CDK14: variants seen among roughly 807,000 people sequenced by gnomAD.
The protein encoded by CDK14 is cyclin-dependent kinase 14.
CDK14 carries 34 observed loss-of-function variants against 60.7 expected under a neutral mutation model. The ratio of observed to expected loss-of-function variants is 0.56; its 90% CI spans 0.43 to 0.75. The LOEUF (loss-of-function observed/expected upper bound fraction) is 0.75, where lower values mean the gene tolerates loss of function less well. CDK14 is among the 30% of genes least tolerant of loss of function. The pLI is 0.00. For synonymous variants in CDK14, 197 were observed against 203.7 expected (o/e 0.97, Z 0.28); for missense variants, 482 against 564.1 (o/e 0.85, Z 1.47).
chr7:91,120,961 A>T (rs1370183031), intron 14 of CDK14, among the ~76,000 whole-genome samples: 1 of 152,236 alleles, frequency 6.6e-6, no homozygotes, highest in East Asian at 1.9e-4. Context: ...ATGGATTCTA[A>T]GAGTTTTCTG....
intron 7 of CDK14, among the ~76,000 whole-genome samples, chr7:90,914,887 C>T (rs1024523491): frequency 6.6e-6 from 1 of 152,176 alleles, no homozygotes; most frequent in African/African-American, 2.4e-5. Context: ...TCAGTACTCA[C>T]ATTACTGGTG....
At chr7:90,760,181 G>C (rs754921703) in intron 4 of CDK14, among the ~76,000 whole-genome samples, 15 of 152,156 alleles carry the variant, frequency 9.9e-5, no homozygotes, top group Non-Finnish European at 1.9e-4. Flanking sequence ...AGTTCAAAGA[G>C]CTCTTCAAAA....
intron 10 of CDK14, among the ~76,000 whole-genome samples, chr7:91,043,108 G>A (rs1797134754): frequency 6.6e-6 from 1 of 152,180 alleles, no homozygotes; most frequent in Admixed American, 6.5e-5. Flanking sequence ...AAAGTCTAAT[G>A]TATTTGTTTC....
At chr7:91,085,108 G>A (rs569878667) in intron 12 of CDK14, among the ~76,000 whole-genome samples, 1 of 152,352 alleles carries the variant, frequency 6.6e-6, no homozygotes, top group South Asian at 2.1e-4. Flanking sequence ...ATTTATTGGT[G>A]TAGAATAGTA....
chr7:90,876,756 T>C (rs1025477530), intron 6 of CDK14, among the ~76,000 whole-genome samples: 2 of 152,250 alleles, frequency 1.3e-5, no homozygotes, highest in Non-Finnish European at 2.9e-5. Flanking sequence ...CCATTCTTAA[T>C]AAGTTTAAAT....
chr7:91,199,408 C>T (rs1029824464), intron 14 of CDK14, among the ~76,000 whole-genome samples: 2 of 151,762 alleles, frequency 1.3e-5, no homozygotes, highest in African/African-American at 4.8e-5. Context: ...GTTTGTTTTC[C>T]CATTGGCTGA....
At chr7:90,869,832 C>T (rs767214889) in intron 6 of CDK14, among the ~76,000 whole-genome samples, 43 of 152,222 alleles carry the variant, frequency 2.8e-4, no homozygotes, top group Non-Finnish European at 5.4e-4. Flanking sequence ...ACTAAGCACC[C>T]TGCTGCCACC....
chr7:90,717,716 A>T (rs1802298368), intron 2 of CDK14, among the ~76,000 whole-genome samples: 1 of 152,108 alleles, frequency 6.6e-6, no homozygotes, highest in South Asian at 2.1e-4. Flanking sequence ...CTCAGGACTA[A>T]TTTTTTTAGT....
intron 3 of CDK14, among the ~76,000 whole-genome samples, chr7:90,745,530 C>G (rs569149596): frequency 1.4e-4 from 21 of 152,260 alleles, no homozygotes; most frequent in Non-Finnish European, 2.5e-4. Flanking sequence ...GTTCTCCTGC[C>G]TTAGCCTCCC....
At chr7:90,749,635 C>G (rs1229133255) in intron 4 of CDK14, among the ~76,000 whole-genome samples, 2 of 152,212 alleles carry the variant, frequency 1.3e-5, no homozygotes, top group African/African-American at 4.8e-5. Context: ...TAGCAGGTTC[C>G]TCTCTCCTCC....
chr7:91,003,284 T>C (rs1348076712), intron 10 of CDK14, among the ~76,000 whole-genome samples: 1 of 152,054 alleles, frequency 6.6e-6, no homozygotes. Context: ...TGATCCACAG[T>C]TTTCCACCAT....
At chr7:90,825,799 C>T (rs190410816) in intron 5 of CDK14, among the ~76,000 whole-genome samples, 50 of 152,208 alleles carry the variant, frequency 3.3e-4, no homozygotes, top group Middle Eastern at 3.4e-3. Flanking sequence ...ATTTCTGTAT[C>T]GTAGATCTAC....
chr7:90,689,278 A>G (rs1438919778), intron 2 of CDK14, among the ~76,000 whole-genome samples: 2 of 152,112 alleles, frequency 1.3e-5, no homozygotes, highest in Non-Finnish European at 2.9e-5. Context: ...TTAATGATTA[A>G]TTTAGCTTAT....
At chr7:90,752,612 A>G (rs1377125435) in intron 4 of CDK14, among the ~76,000 whole-genome samples, 1 of 152,186 alleles carries the variant, frequency 6.6e-6, no homozygotes, top group Non-Finnish European at 1.5e-5. Flanking sequence ...TAGAAAAACA[A>G]GAACAACCTA....
intron 4 of CDK14, among the ~76,000 whole-genome samples, chr7:90,766,799 G>C (rs1016360247): frequency 6.6e-6 from 1 of 152,100 alleles, no homozygotes; most frequent in African/African-American, 2.4e-5. Context: ...TTATTCAGCA[G>C]CTCTCTCATC....
intron 9 of CDK14, among the ~76,000 whole-genome samples, chr7:90,965,169 C>T (rs1212612665): frequency 1.3e-5 from 2 of 152,078 alleles, no homozygotes; most frequent in Non-Finnish European, 2.9e-5. Flanking sequence ...ATCCCCATCC[C>T]CACTTTGTCT....
At chr7:90,638,168 C>T (rs977435455) in intron 2 of CDK14, among the ~76,000 whole-genome samples, 5 of 151,954 alleles carry the variant, frequency 3.3e-5, no homozygotes, top group Admixed American at 6.6e-5. Context: ...TTTGATCCTG[C>T]CATTATGATG....
intron 10 of CDK14, among the ~76,000 whole-genome samples, chr7:90,989,724 G>C (rs865959689): frequency 1.2e-4 from 19 of 152,010 alleles, no homozygotes; most frequent in Admixed American, 1.1e-3. Context: ...TTTTCTACCC[G>C]CCCTCACCCA....
intron 5 of CDK14, among the ~76,000 whole-genome samples, chr7:90,859,800 G>A (rs1558312): frequency 0.033 from 5,005 of 152,030 alleles, 111 homozygotes; most frequent in South Asian, 0.1. Context: ...TAAAGATATG[G>A]CCTTGCTGTA....
Sources: allele counts gnomAD v4.1 joint callset (sites outside exome capture counted in the v4.1 genomes callset), GRCh38; gene constraint gnomAD v4.1.1; transcripts MANE v1.5; gene names NCBI Gene and HGNC (gene_info 2026-07-23, HGNC 2026-07-21).